The following PTPRA variants were observed in gnomAD, a reference collection of about 807,000 sequenced individuals.
PTPRA encodes the protein protein tyrosine phosphatase receptor type A, also known as receptor-type tyrosine-protein phosphatase alpha.
Under a neutral mutation model 104.8 loss-of-function variants are expected in PTPRA, and 25 were observed. The observed-to-expected ratio is 0.24, with a 90% CI of 0.17 to 0.33. The LOEUF is 0.33. Ranked by LOEUF, PTPRA falls within the 10% of genes least tolerant of loss-of-function variation. The pLI is 1.00. For missense variants in PTPRA, 765 were observed against 1,015.3 expected, an observed-to-expected ratio of 0.75 and a Z score of 3.35; for synonymous variants, 323 against 368.9, an observed-to-expected ratio of 0.88 and a Z score of 1.43.
chr20:2,914,527 A>G (rs909797816), intron 1 of PTPRA, among the ~76,000 whole-genome samples: 4 of 148,096 alleles, frequency 2.7e-5, no homozygotes, highest in African/African-American at 1.0e-4. Context: ...CTCAGAGTTC[A>G]TTTTATTTTT....
chr20:2,939,104 T>C (rs1374682050), intron 2 of PTPRA, among the ~76,000 whole-genome samples: 2 of 152,180 alleles, frequency 1.3e-5, no homozygotes, highest in African/African-American at 2.4e-5. Flanking sequence ...GTTTTACTCT[T>C]ATGGTCTGTG....
upstream of PTPRA, among the ~76,000 whole-genome samples, chr20:2,872,597 C>T (rs1332131549): frequency 6.6e-6 from 1 of 152,266 alleles, no homozygotes; most frequent in African/African-American, 2.4e-5. This position sits in a 1 kb window ranked among gnomAD's most constrained non-coding sequence, Gnocchi z 7.9. Flanking sequence ...ATCTCGACTG[C>T]GTAATCGGCT....
chr20:2,923,186 G>T, intron 1 of PTPRA, 21 bp from the exon 2 acceptor site: 2 of 1,044,966 alleles, frequency 1.9e-6, no homozygotes, highest in Non-Finnish European at 2.6e-6. Context: ...ATTTCTAAAG[G>T]TATTTTTCCT....
At chr20:3,001,499 A>T (rs1177347908) in intron 9 of PTPRA, among the ~76,000 whole-genome samples, 2 of 152,138 alleles carry the variant, frequency 1.3e-5, no homozygotes, top group Admixed American at 1.3e-4. Flanking sequence ...CATTTTAGAG[A>T]AGGGATGCAC....
At chr20:2,999,185 A>G (rs969837032) in intron 9 of PTPRA, among the ~76,000 whole-genome samples, 1 of 152,200 alleles carries the variant, frequency 6.6e-6, no homozygotes, top group Non-Finnish European at 1.5e-5. Context: ...AGAGAAAATT[A>G]TTAAAATGTT....
At chr20:3,030,676 CTTTTTTTTTT>C (rs1180681994) in intron 20 of PTPRA, among the ~76,000 whole-genome samples, 8 of 67,724 alleles carry the variant, frequency 1.2e-4, no homozygotes, top group Admixed American at 2.0e-4. Flanking sequence ...TCTCCCTCTG[CTTTTTTTTTT>C]TTTTTTTTTT....
At chr20:2,883,739 T>TATA (rs1367304175) in intron 1 of PTPRA, among the ~76,000 whole-genome samples, 3 of 151,730 alleles carry the variant, frequency 2.0e-5, no homozygotes, top group Non-Finnish European at 2.9e-5. Context: ...ATGTAATCAT[T>TATA]ATAAGCTATA....
chr20:2,974,457 C>G (rs141637326), intron 5 of PTPRA, among the ~76,000 whole-genome samples: 3 of 151,260 alleles, frequency 2.0e-5, no homozygotes, highest in Admixed American at 2.0e-4. Flanking sequence ...AATAGAGTCT[C>G]GCTCTGTTAC....
chr20:2,897,384 C>CTTTTTTTT (rs60627339), intron 1 of PTPRA, among the ~76,000 whole-genome samples: 11 of 108,914 alleles, frequency 1.0e-4, no homozygotes, highest in African/African-American at 2.7e-4. Flanking sequence ...CTTGGCATTT[C>CTTTTTTTT]TTTTTTTTTT....
chr20:2,903,757 C>T (rs1181627329), intron 1 of PTPRA, among the ~76,000 whole-genome samples: 1 of 151,914 alleles, frequency 6.6e-6, no homozygotes, highest in Admixed American at 6.6e-5. Flanking sequence ...GAGGTTTTTA[C>T]GGAACTTATT....
At chr20:2,864,355 T>C in the PTPRA span, 1 of 1,614,036 alleles carries the variant, frequency 6.2e-7, no homozygotes, top group East Asian at 2.2e-5. The surrounding 1 kb of genome is among the most constrained non-coding windows in gnomAD (Gnocchi z 5.2). Flanking sequence ...TCCACCTTAC[T>C]CTCCTGCAGT....
At chr20:2,903,460 G>C (rs1012535450) in intron 1 of PTPRA, among the ~76,000 whole-genome samples, 1 of 152,258 alleles carries the variant, frequency 6.6e-6, no homozygotes, top group East Asian at 1.9e-4. Context: ...GCTAAGGTGG[G>C]GGATTGCTTA....
At chr20:2,935,049 A>G (rs1434326483) in intron 2 of PTPRA, among the ~76,000 whole-genome samples, 3 of 152,174 alleles carry the variant, frequency 2.0e-5, no homozygotes, top group Non-Finnish European at 4.4e-5. Context: ...AATACATACA[A>G]TATATTGTTA....
chr20:2,878,464 C>T (rs553092308), intron 1 of PTPRA, among the ~76,000 whole-genome samples: 1 of 152,328 alleles, frequency 6.6e-6, no homozygotes, highest in African/African-American at 2.4e-5. Flanking sequence ...CCCGCCTTGG[C>T]CTCCCAAAGT....
intron 3 of PTPRA, among the ~76,000 whole-genome samples, chr20:2,953,615 T>G (rs576763236): frequency 1.5e-4 from 22 of 146,834 alleles, no homozygotes; most frequent in South Asian, 6.7e-4. Flanking sequence ...GGTGTTTTGT[T>G]TTTTTTTTTT....
rs138831635 is a variant in PTPRA at position 2,921,354 on chromosome 20, A to G, written c.-128-1853A>G. On this transcript the variant is annotated intron_variant, in intron 1 of 23. Transcript: ENST00000399903. Reference sequence around the variant, plus strand: ...TTTTTTTTTTTTTTGAAGAACACCAACAGTTGTTCACCCTTCCTTGAATTT... The same window carrying G: ...TTTTTTTTTTTTTTGAAGAACACCAGCAGTTGTTCACCCTTCCTTGAATTT... Among the ~76,000 whole-genome samples the G allele has an allele frequency of 2.6e-3, 368 of 144,198 alleles. 11 individuals are homozygous for G. The East Asian group carries it at 0.065, about 25-fold the overall frequency. The allele number at this position is 144,198 out of a possible 152,430, so 94.6% of individuals were successfully genotyped here.
At chr20:2,996,872 G>T (rs2063417007) in intron 9 of PTPRA, among the ~76,000 whole-genome samples, 1 of 152,166 alleles carries the variant, frequency 6.6e-6, no homozygotes, top group Admixed American at 6.5e-5. Context: ...AATTGGTATT[G>T]CATTGGAGGG....
chr20:2,937,089 G>C (rs1220959549), intron 2 of PTPRA, among the ~76,000 whole-genome samples: 1 of 150,278 alleles, frequency 6.7e-6, no homozygotes, highest in Non-Finnish European at 1.5e-5. Context: ...GTTAGTTTTA[G>C]TAGAAGGAAT....
chr20:2,886,413 T>C (rs2090387195), intron 1 of PTPRA, among the ~76,000 whole-genome samples: 1 of 152,168 alleles, frequency 6.6e-6, no homozygotes. Context: ...TTATTGAAGC[T>C]GGATAATAGG....
Sources: allele counts gnomAD v4.1 joint callset (sites outside exome capture counted in the v4.1 genomes callset), GRCh38; gene constraint gnomAD v4.1.1; non-coding constraint Gnocchi (gnomAD v3.1); transcripts MANE v1.5; gene names NCBI Gene and HGNC (gene_info 2026-07-23, HGNC 2026-07-21).